CSMD1: variants seen among roughly 807,000 people sequenced by gnomAD.
CSMD1 encodes the protein CUB and sushi domain-containing protein 1.
In CSMD1, 213 loss-of-function variants were observed where a neutral mutation model predicts 417.5. The observed-to-expected ratio is 0.51, with a 90% CI of 0.46 to 0.57. CSMD1 has a LOEUF of 0.57. CSMD1 is among the 20% of genes least tolerant of loss of function. The probability of loss-of-function intolerance (pLI) is 0.00; values close to 1 mark genes in which losing one functional copy is unlikely to be tolerated. For missense variants in CSMD1, 6,923 were observed against 4,529.7 expected, an observed-to-expected ratio of 1.53 and a Z score of -15.17; for synonymous variants, 2,862 against 1,736.8, an observed-to-expected ratio of 1.65 and a Z score of -16.11.
intron 11 of CSMD1, among the ~76,000 whole-genome samples, chr8:3,482,060 G>C (rs966390299): frequency 1.3e-5 from 2 of 152,138 alleles, no homozygotes; most frequent in African/African-American, 2.4e-5. Context: ...ACCACAAACA[G>C]GTTAAGATAA....
chr8:3,217,814 T>C (rs934570154), intron 29 of CSMD1, among the ~76,000 whole-genome samples: 7 of 152,096 alleles, frequency 4.6e-5, no homozygotes, highest in Non-Finnish European at 1.0e-4. Context: ...ATATAAACAG[T>C]TCTGGTAATG....
intron 2 of CSMD1, among the ~76,000 whole-genome samples, chr8:4,464,176 T>C (rs150540688): frequency 6.6e-6 from 1 of 152,168 alleles, no homozygotes; most frequent in Non-Finnish European, 1.5e-5. Context: ...TCTACTTCAC[T>C]TACAGGACTC....
chr8:4,122,815 T>G lies in CSMD1; in HGVS notation c.416-90716A>C, dbSNP rs147691632. Among the ~76,000 whole-genome samples the G allele has an allele frequency of 3.6e-3, 548 of 152,094 alleles. 4 individuals are homozygous for G. The highest frequency in any genetic ancestry group is 0.013 in the African/African-American group (523 of 41,464). On this transcript the variant is annotated intron_variant, in intron 3 of 69. Coordinates refer to ENST00000635120, the MANE Select transcript of CSMD1 (RefSeq NM_033225.6). ...CATCAAAAAAACAAATGATTTAATCTCCCCCTCCCTCTGTAACAGAGTTCA... is the reference window on the plus strand; with the variant it reads ...CATCAAAAAAACAAATGATTTAATCGCCCCCTCCCTCTGTAACAGAGTTCA...
At position 3,439,143 on chromosome 8, in the gene CSMD1, AAAAAAAAAAC is replaced by A. The variant is rs1563390098; in HGVS notation, c.1562-29548_1562-29539del. 6.1e-5 allele frequency among the ~76,000 whole-genome samples: 8 copies of A among 131,076 alleles called. 1 individual carries two copies. The highest frequency in any genetic ancestry group is 1.9e-4 in the African/African-American group (6 of 31,490). The allele number at this position is 131,076 out of a possible 152,430, so 86.0% of individuals were successfully genotyped here. The stretch of plus-strand genomic sequence containing the variant: ...ATCTCAAAAAAAAAAAAAAAAAAAA[AAAAAAAAAAC>A]CAAGAAAAAAAAAAGAAAAAGAAAA... On this transcript the variant is annotated intron_variant, in intron 12 of 69. Transcript: ENST00000635120.
At chr8:3,396,124 T>A in intron 17 of CSMD1, 70 bp downstream of exon 17, 1 of 1,365,054 alleles carries the variant, frequency 7.3e-7, no homozygotes, top group Non-Finnish European at 1.0e-6. Flanking sequence ...AGGCTGGAAA[T>A]AAGAACCCAG....
intron 5 of CSMD1, among the ~76,000 whole-genome samples, chr8:3,823,768 C>T (rs1030981705): frequency 2.0e-5 from 3 of 152,146 alleles, no homozygotes; most frequent in South Asian, 4.2e-4. Flanking sequence ...CTCTAAAATA[C>T]TTTTGTCAGT....
intron 5 of CSMD1, among the ~76,000 whole-genome samples, chr8:3,885,970 C>G (rs1806535987): frequency 6.6e-6 from 1 of 151,598 alleles, no homozygotes. Context: ...CACAACAAAG[C>G]AATATTGATT....
chr8:3,524,729 C>A (rs969371670), intron 10 of CSMD1, among the ~76,000 whole-genome samples: 2 of 151,412 alleles, frequency 1.3e-5, no homozygotes. Flanking sequence ...TGCACACACA[C>A]ACATGCACAC....
intron 10 of CSMD1, among the ~76,000 whole-genome samples, chr8:3,495,453 A>G (rs573948280): frequency 6.6e-6 from 1 of 152,290 alleles, no homozygotes; most frequent in South Asian, 2.1e-4. Context: ...AGGGGTGGAA[A>G]AAGGGCCATT....
intron 3 of CSMD1, among the ~76,000 whole-genome samples, chr8:4,267,623 A>T (rs1376201897): frequency 6.6e-6 from 1 of 151,928 alleles, no homozygotes; most frequent in East Asian, 1.9e-4. Context: ...TTTATATTAA[A>T]TATTAATAAT....
At chr8:3,657,883 A>C (rs773397395) in intron 7 of CSMD1, among the ~76,000 whole-genome samples, 2 of 152,194 alleles carry the variant, frequency 1.3e-5, no homozygotes, top group African/African-American at 2.4e-5. Context: ...ATCCTCTTGA[A>C]ACTTACCCTG....
At chr8:3,558,698 C>CTG (rs1799329802) in intron 10 of CSMD1, among the ~76,000 whole-genome samples, 3 of 151,150 alleles carry the variant, frequency 2.0e-5, no homozygotes, top group African/African-American at 7.3e-5. Context: ...GTGTCCACTC[C>CTG]CGCAATGATG....
intron 3 of CSMD1, among the ~76,000 whole-genome samples, chr8:4,178,114 A>G (rs897437664): frequency 6.6e-6 from 1 of 152,198 alleles, no homozygotes; most frequent in African/African-American, 2.4e-5. Context: ...AAAGCCTGGC[A>G]GAGACACAAC....
At chr8:3,081,932 G>A (rs966607052) in intron 49 of CSMD1, among the ~76,000 whole-genome samples, 1 of 152,120 alleles carries the variant, frequency 6.6e-6, no homozygotes, top group African/African-American at 2.4e-5. Context: ...AAGCACAAAT[G>A]TCAAAATCAA....
At chr8:4,625,813 T>A (rs973865843) in intron 2 of CSMD1, among the ~76,000 whole-genome samples, 1 of 152,018 alleles carries the variant, frequency 6.6e-6, no homozygotes, top group Non-Finnish European at 1.5e-5. Flanking sequence ...AATCTCTGCC[T>A]CCCAAGTTCA....
intron 41 of CSMD1, among the ~76,000 whole-genome samples, chr8:3,136,020 TA>T (rs2129028749): frequency 6.6e-6 from 1 of 152,274 alleles, no homozygotes; most frequent in African/African-American, 2.4e-5. Context: ...ACTTCTTTCC[TA>T]AACTAGTTTC....
intron 1 of CSMD1, among the ~76,000 whole-genome samples, chr8:4,991,106 T>TA (rs1390531470): frequency 6.6e-6 from 1 of 152,140 alleles, no homozygotes; most frequent in Non-Finnish European, 1.5e-5. Context: ...TGGCTGCACA[T>TA]ATGCAAGAAA....
chr8:4,606,631 G>A (rs1348435768), intron 2 of CSMD1, among the ~76,000 whole-genome samples: 1 of 152,094 alleles, frequency 6.6e-6, no homozygotes, highest in African/African-American at 2.4e-5. Context: ...GACAAATATG[G>A]GCTTAAGATT....
At chr8:4,463,951 G>A (rs993851251) in intron 2 of CSMD1, among the ~76,000 whole-genome samples, 7 of 152,078 alleles carry the variant, frequency 4.6e-5, no homozygotes, top group Admixed American at 2.0e-4. Context: ...CTAGAGAACA[G>A]AGCGCAATAT....
Sources: gnomAD v4.1 joint callset for allele counts (sites outside exome capture counted in the v4.1 genomes callset) on GRCh38, gnomAD v4.1.1 for gene constraint, MANE v1.5 for transcripts, NCBI Gene and HGNC (gene_info 2026-07-23, HGNC 2026-07-21) for gene names.